The following DCLK2 variants were observed in gnomAD, a reference collection of about 807,000 sequenced individuals.
The protein encoded by DCLK2 is serine/threonine-protein kinase DCLK2.
Under a neutral mutation model 78.4 loss-of-function variants are expected in DCLK2, and 31 were observed. That is an observed-to-expected ratio of 0.40 (90% CI 0.30 to 0.53). The LOEUF is 0.53. Among genes scored for constraint, DCLK2 ranks in the 20% least tolerant of loss-of-function variants. The pLI, the probability that DCLK2 is intolerant of heterozygous loss-of-function variation, is 0.61. For missense variants in DCLK2, 872 were observed against 973.7 expected (o/e 0.90, Z 1.39); for synonymous variants, 407 against 374.9 (o/e 1.09, Z -0.99).
intron 1 of DCLK2, among the ~76,000 whole-genome samples, chr4:150,100,892 T>G (rs1371011191): frequency 2.6e-5 from 4 of 152,128 alleles, no homozygotes; most frequent in Admixed American, 2.6e-4. Flanking sequence ...CTGTGATTGG[T>G]TCCCCAGTTA....
In DCLK2 at chr4:150,256,565, C is replaced by T. The variant is rs1744584287; in HGVS notation, c.*318C>T. 4 of 329,232 alleles carry T rather than the reference C, an allele frequency of 1.2e-5. No homozygotes were observed. Among genetic ancestry groups the T allele is most frequent in the Admixed American group, 4.6e-5 (1 of 21,676 alleles). 20.4% of individuals were successfully genotyped at this position (329,232 alleles called of 1,614,324 possible). On this transcript the variant is annotated 3_prime_UTR_variant, in exon 16 of 16. Coordinates refer to ENST00000296550, the MANE Select transcript of DCLK2 (RefSeq NM_001040260.4). ...ACAGCTTCACCAGGAGAATGTGCAA[C>T]TTTATTCCAGCATTCGATGCATTTT...
chr4:150,234,674 C>T (rs1203369844), intron 10 of DCLK2, among the ~76,000 whole-genome samples: 1 of 151,710 alleles, frequency 6.6e-6, no homozygotes, highest in Non-Finnish European at 1.5e-5. Context: ...AATTTTATCT[C>T]ACTGTCTTCT....
intron 8 of DCLK2, among the ~76,000 whole-genome samples, chr4:150,224,895 T>C (rs1741480292): frequency 6.6e-6 from 1 of 152,164 alleles, no homozygotes. Context: ...GCCTTCCAGC[T>C]TCATACAGGC....
In DCLK2 at chr4:150,255,064, G is replaced by A. The variant is rs75334197; in HGVS notation, c.2074-956G>A. 5.7e-3 allele frequency among the ~76,000 whole-genome samples: 874 copies of A among 152,292 alleles called. 8 individuals carry two copies. The highest frequency in any genetic ancestry group is 0.02 in the African/African-American group (835 of 41,568). On this transcript the variant is annotated intron_variant, in intron 15 of 15. Coordinates refer to ENST00000296550, the MANE Select transcript of DCLK2 (RefSeq NM_001040260.4). ...GGTGGCCCCAGGTGCCCTGAAGGCCGCCACCCAAGTTCATCTTAGAAAGCC... is the reference window on the plus strand; with the variant it reads ...GGTGGCCCCAGGTGCCCTGAAGGCCACCACCCAAGTTCATCTTAGAAAGCC...
Position 150,198,008 on chromosome 4 carries a change from G to C in DCLK2, c.866G>C (p.Arg289Pro), listed in dbSNP as rs201773968. The C allele has an allele frequency of 6.2e-6, 10 of 1,609,736 alleles. No individual in the cohort carries two copies. The highest frequency in any genetic ancestry group is 7.6e-6 in the Non-Finnish European group (9 of 1,178,888). The change falls in exon 4 of 16, where the codon CGT (arginine) becomes CCT (proline). Residue 289 changes from arginine (R) to proline (P), a missense_variant. Around this residue, in one of 3 missense-constraint regions of DCLK2, gnomAD observed 567 missense variants for 593.4 expected, o/e 0.96. Coordinates refer to ENST00000296550, the MANE Select transcript of DCLK2 (RefSeq NM_001040260.4). ...DDFVLDHSEC[R>P]VLKSSYSRSS... Reference sequence around the variant, plus strand: ...CACTTTTGTTCTTTTCTAGAATGTCGTGTCCTGAAGTCATCTTATTCTCGA... The same window carrying C: ...CACTTTTGTTCTTTTCTAGAATGTCCTGTCCTGAAGTCATCTTATTCTCGA...
At chr4:150,176,120 T>C (rs938307305) in intron 2 of DCLK2, among the ~76,000 whole-genome samples, 15 of 152,230 alleles carry the variant, frequency 9.9e-5, no homozygotes, top group Non-Finnish European at 2.1e-4. Flanking sequence ...CATGCCTCCC[T>C]CTTGTCTCAT....
In DCLK2 at chr4:150,144,674, A is replaced by T. The variant is rs1734336911; in HGVS notation, c.756+41862A>T. On this transcript the variant is annotated intron_variant, in intron 2 of 15. Transcript: ENST00000296550. Reference sequence around the variant, plus strand: ...TGATCACAGCTCACTGCAGCCTCAAACTCTTGGGCTCAAGTGATCTTTTCA... The same window carrying T: ...TGATCACAGCTCACTGCAGCCTCAATCTCTTGGGCTCAAGTGATCTTTTCA... Among the ~76,000 whole-genome samples the T allele has an allele frequency of 2.6e-5, 4 of 151,780 alleles. No homozygotes were observed. The South Asian group carries it at 8.3e-4, about 32-fold the overall frequency.
At chr4:150,170,488 C>G (rs1487906183) in intron 2 of DCLK2, among the ~76,000 whole-genome samples, 1 of 152,190 alleles carries the variant, frequency 6.6e-6, no homozygotes, top group Non-Finnish European at 1.5e-5. Flanking sequence ...CACTCCAGTT[C>G]ACAACAAGCT....
chr4:150,180,811 C>T (rs998306572), intron 2 of DCLK2, among the ~76,000 whole-genome samples: 3 of 152,178 alleles, frequency 2.0e-5, no homozygotes, highest in Middle Eastern at 3.2e-3. Context: ...TTCCCCAAGG[C>T]CAGCCATAAA....
chr4:150,141,230 C>T (rs1455421166), intron 2 of DCLK2, among the ~76,000 whole-genome samples: 1 of 152,186 alleles, frequency 6.6e-6, no homozygotes, highest in Non-Finnish European at 1.5e-5. Context: ...TGCTACCCTT[C>T]CTTCCCCCAA....
At chr4:150,091,660 G>T (rs1426983291) in intron 1 of DCLK2, among the ~76,000 whole-genome samples, 2 of 152,110 alleles carry the variant, frequency 1.3e-5, no homozygotes, top group Non-Finnish European at 2.9e-5. Context: ...TAACAGAGGT[G>T]TATGAGAGAC....
intron 1 of DCLK2, among the ~76,000 whole-genome samples, chr4:150,089,293 A>G (rs765709633): frequency 1.3e-5 from 2 of 152,144 alleles, no homozygotes; most frequent in Non-Finnish European, 2.9e-5. Context: ...CTTTCCTCTT[A>G]CTCACAGCAA....
chr4:150,083,496 G>A (rs1288805055), intron 1 of DCLK2, among the ~76,000 whole-genome samples: 6 of 152,294 alleles, frequency 3.9e-5, no homozygotes, highest in East Asian at 3.9e-4. Flanking sequence ...TACCGCATCT[G>A]TTTGGTTAGG....
At position 150,198,891 on chromosome 4, in the gene DCLK2, C is replaced by T. The variant is rs185984215; in HGVS notation, c.961+788C>T. 10 of 584,932 alleles carry T rather than the reference C, an allele frequency of 1.7e-5. No individual in the cohort carries two copies. The East Asian group carries it at 1.7e-4, about 10-fold the overall frequency. The allele number at this position is 584,932 out of a possible 1,614,324, so 36.2% of individuals were successfully genotyped here. A position where few individuals can be genotyped will look rare whatever the true frequency, so the allele number is the denominator to read the frequency against. On this transcript the variant is annotated intron_variant, in intron 4 of 15. Transcript: ENST00000296550. ...CAAGTTTTTCAGACATTCCACTATT[C>T]GCCCTTTCCCCTTTCAGCACCCCCC...
chr4:150,168,230 C>T (rs1475705039), intron 2 of DCLK2, among the ~76,000 whole-genome samples: 1 of 152,024 alleles, frequency 6.6e-6, no homozygotes, highest in Non-Finnish European at 1.5e-5. Context: ...GTAGTCCCAG[C>T]TACTCTGGAG....
chr4:150,151,929 A>G (rs1388575935), intron 2 of DCLK2, among the ~76,000 whole-genome samples: 1 of 145,446 alleles, frequency 6.9e-6, no homozygotes, highest in African/African-American at 2.5e-5. Context: ...TGTCTCAAAA[A>G]AAAAAAATAA....
chr4:150,100,593 T>C (rs1239248299), intron 1 of DCLK2, among the ~76,000 whole-genome samples: 1 of 152,216 alleles, frequency 6.6e-6, no homozygotes, highest in African/African-American at 2.4e-5. Context: ...ATATTTTGAA[T>C]CGAAAATAGA....
At chr4:150,107,249 G>A (rs76268343) in intron 2 of DCLK2, among the ~76,000 whole-genome samples, 6,184 of 152,204 alleles carry the variant, frequency 0.041, 429 homozygotes, top group African/African-American at 0.14. Context: ...TGTGTTATTA[G>A]GCCATATGCT....
chr4:150,224,434 G>T (rs1387736623), intron 7 of DCLK2, 67 bp from the exon 8 acceptor site: 21 of 1,393,668 alleles, frequency 1.5e-5, no homozygotes, highest in East Asian at 1.2e-4. Context: ...GTATAAAAAA[G>T]AAAGAAAACA....
Sources: gnomAD v4.1 joint callset for allele counts (sites outside exome capture counted in the v4.1 genomes callset) on GRCh38, gnomAD v4.1.1 for gene constraint, gnomAD v4.1.1 regional missense constraint, MANE v1.5 for transcripts, NCBI Gene and HGNC (gene_info 2026-07-23, HGNC 2026-07-21) for gene names.